The following CAMK1 variants were observed in gnomAD, a reference collection of about 807,000 sequenced individuals.
CAMK1 encodes the protein calcium/calmodulin dependent protein kinase I, also known as calcium/calmodulin-dependent protein kinase type 1.
In CAMK1, 39 loss-of-function variants were observed where a neutral mutation model predicts 49.1. The ratio of observed to expected loss-of-function variants is 0.79; its 90% CI spans 0.62 to 1.04. The LOEUF is 1.04. CAMK1 is among the 50% of genes least tolerant of loss of function. CAMK1 has a pLI of 0.00. For synonymous variants in CAMK1, 192 were observed against 185.2 expected, an observed-to-expected ratio of 1.04 and a Z score of -0.30; for missense variants, 457 against 472.2, an observed-to-expected ratio of 0.97 and a Z score of 0.30.
intron 1 of CAMK1, 57 bp from the exon 2 acceptor site, chr3:9,767,838 T>A: frequency 6.4e-7 from 1 of 1,566,624 alleles, no homozygotes; most frequent in Non-Finnish European, 8.7e-7. Flanking sequence ...GTCTGGGAAT[T>A]TACTGCAGGC....
intron 1 of CAMK1, among the ~76,000 whole-genome samples, chr3:9,768,757 TTC>T (rs1226218634): frequency 6.6e-6 from 1 of 152,200 alleles, no homozygotes; most frequent in Admixed American, 6.5e-5. Flanking sequence ...AGCACTTTCC[TTC>T]TCTCTTTTTC....
rs1257917384 is a variant in CAMK1 at position 9,757,854 on chromosome 3, T to C, written c.913-8A>G. On this transcript the variant is annotated splice_region_variant and splice_polypyrimidine_tract_variant and intron_variant, in intron 10 of 11. Coordinates refer to ENST00000256460, the MANE Select transcript of CAMK1 (RefSeq NM_003656.5). This position sits in a 1 kb window ranked among gnomAD's most constrained non-coding sequence, Gnocchi z 4.5. ...CGTGGCATTGAAGGCTTGCTGGCAT[T>C]GAAGGCATTGAAGGGAGAGGGGAGA... 7 of 1,597,126 alleles carry C rather than the reference T, an allele frequency of 4.4e-6. No homozygotes were observed. Among genetic ancestry groups the C allele is most frequent in the Non-Finnish European group, 6.0e-6 (7 of 1,166,982 alleles).
chr3:9,766,480 C>CAAAAAAAAGAA, intron 2 of CAMK1: 1 of 349,598 alleles, frequency 2.9e-6, no homozygotes, highest in Non-Finnish European at 5.2e-6. Context: ...GATCCTGGGT[C>CAAAAAAAAGAA]AAAAAAAAGA....
At chr3:9,758,887 C>A (rs944884348) in intron 10 of CAMK1, 5 of 370,934 alleles carry the variant, frequency 1.3e-5, no homozygotes, top group Non-Finnish European at 2.1e-5. Flanking sequence ...ACCTCGGCCT[C>A]CCAAAGTGCT....
At chr3:9,759,113 T>A in intron 10 of CAMK1, 1 of 1,248,232 alleles carries the variant, frequency 8.0e-7, no homozygotes, top group Non-Finnish European at 1.2e-6. Flanking sequence ...CTGGCCAGGC[T>A]TAGCACTTGC....
chr3:9,760,825 T>C (rs370154285), intron 7 of CAMK1, 57 bp from the exon 8 acceptor site: 22 of 1,607,908 alleles, frequency 1.4e-5, no homozygotes, highest in Admixed American at 1.0e-4. Context: ...GGCTCCGGGG[T>C]GGAGCACTGG....
Position 9,757,646 on chromosome 3 carries a change from T to C in CAMK1, c.1031-25A>G. 1.2e-6 allele frequency: 2 copies of C among 1,613,940 alleles called. No individual in the cohort carries two copies. Among genetic ancestry groups the C allele is most frequent in the Non-Finnish European group, 1.7e-6 (2 of 1,179,960 alleles). ...CCTGCATGGGAAGACAGAACAGAGG[T>C]GGCCGCAGGGGCAGGCCCTCCACTC... is the stretch of plus-strand genomic sequence containing the variant. On this transcript the variant is annotated intron_variant, in intron 11 of 11. Transcript: ENST00000256460. This position sits in a 1 kb window ranked among gnomAD's most constrained non-coding sequence, Gnocchi z 4.5.
Position 9,767,674 on chromosome 3 carries a change from G to C in CAMK1, c.76C>G (p.Leu26Val). ...ATCCTGCCCTGGACTCACGTGCCCA[G>C]AACATCTCGGAAGTCGTAGATGTCT... The part of the protein sequence containing the change: ...IRDIYDFRDV[L>V]GTGAFSEVIL... The change falls in exon 2 of 12, where the codon CTG becomes GTG. Residue 26 changes from leucine to valine, a missense_variant. By Grantham distance (32) the Leu-to-Val change is conservative. Coordinates refer to ENST00000256460, the MANE Select transcript of CAMK1 (RefSeq NM_003656.5). 1 of 1,614,140 alleles carries C rather than the reference G, an allele frequency of 6.2e-7. No homozygotes were observed. Among genetic ancestry groups the C allele is most frequent in the Non-Finnish European group, 8.5e-7 (1 of 1,180,024 alleles).
intron 10 of CAMK1, 195 bp downstream of exon 10, chr3:9,759,293 G>A: frequency 6.2e-7 from 1 of 1,605,786 alleles, no homozygotes; most frequent in Non-Finnish European, 8.5e-7. Flanking sequence ...GGAGGTGAGG[G>A]ACCCTCTCTG....
At chr3:9,769,682 T>G (rs936869503) in intron 1 of CAMK1, 150 bp downstream of exon 1, 2 of 152,010 alleles carry the variant, frequency 1.3e-5, no homozygotes, top group African/African-American at 2.4e-5. Context: ...GGGACAGAGG[T>G]GGAGAAAGGC....
intron 3 of CAMK1, among the ~76,000 whole-genome samples, chr3:9,765,434 G>A (rs1040464111): frequency 6.6e-6 from 1 of 152,132 alleles, no homozygotes; most frequent in African/African-American, 2.4e-5. Flanking sequence ...AGGGGAACTT[G>A]AGGTAGGTCC....
intron 10 of CAMK1, chr3:9,758,804 A>AT (rs1288960346): frequency 7.7e-6 from 2 of 258,924 alleles, no homozygotes; most frequent in Non-Finnish European, 1.5e-5. Flanking sequence ...TAATTCTTTT[A>AT]TTTTTAGTAG....
chr3:9,764,500 C>T (rs188319344), intron 3 of CAMK1, among the ~76,000 whole-genome samples: 10 of 151,752 alleles, frequency 6.6e-5, no homozygotes, highest in African/African-American at 1.2e-4. Flanking sequence ...TTAGTAGAGA[C>T]GGAGTTTCTC....
rs961167223 is a variant in CAMK1 at position 9,759,070 on chromosome 3, C to T, written c.912+418G>A. On this transcript the variant is annotated intron_variant, in intron 10 of 11. Coordinates refer to ENST00000256460, the MANE Select transcript of CAMK1 (RefSeq NM_003656.5). ...CCCTTACCTGCTTCTCTAAATTGGG[C>T]TCCTGCCTCTCAGTCCCCTCAGCCC... The T allele has an allele frequency of 1.2e-5, 10 of 849,834 alleles. No individual in the cohort carries two copies. The African/African-American group carries it at 1.5e-4, about 13-fold the overall frequency. The allele number at this position is 849,834 out of a possible 1,614,324, so 52.6% of individuals were successfully genotyped here.
intron 3 of CAMK1, among the ~76,000 whole-genome samples, chr3:9,764,535 C>T (rs542960513): frequency 3.6e-4 from 54 of 151,290 alleles, no homozygotes; most frequent in Non-Finnish European, 3.7e-4. Flanking sequence ...TGGTTTGGAA[C>T]TCCCCACCTC....
chr3:9,757,818 C>G lies in CAMK1; in HGVS notation c.941G>C (p.Arg314Pro). Residue 314 changes from arginine (R) to proline (P), a missense_variant, in exon 11 of 12, where the codon CGG becomes CCG. Physicochemically the swap from Arg to Pro is moderately radical, Grantham distance 103. Coordinates refer to ENST00000256460, the MANE Select transcript of CAMK1 (RefSeq NM_003656.5). This position sits in a 1 kb window ranked among gnomAD's most constrained non-coding sequence, Gnocchi z 4.5. ...GCCCAGCTGCAGTTTCCTCATGTGC[C>G]GCACCACAGCCGTGGCATTGAAGGC... Reference protein sequence around the residue: ...KQAFNATAVVRHMRKLQLGTS... With the variant: ...KQAFNATAVVPHMRKLQLGTS... The G allele has an allele frequency of 6.2e-7, 1 of 1,611,184 alleles. No individual in the cohort carries two copies. Among genetic ancestry groups the G allele is most frequent in the Non-Finnish European group, 8.5e-7 (1 of 1,177,622 alleles).
chr3:9,768,315 C>T (rs912939816), intron 1 of CAMK1, among the ~76,000 whole-genome samples: 1 of 152,234 alleles, frequency 6.6e-6, no homozygotes, highest in African/African-American at 2.4e-5. Context: ...TGCACTGTTA[C>T]CACAGCAACA....
chr3:9,758,720 C>G (rs970590113), intron 10 of CAMK1: 2 of 197,318 alleles, frequency 1.0e-5, no homozygotes, highest in African/African-American at 4.7e-5. Flanking sequence ...ACCCCCATCT[C>G]CGAGGTTCAA....
At chr3:9,760,548 G>T (rs2077806911) in intron 8 of CAMK1, 108 bp downstream of exon 8, 2 of 1,096,336 alleles carry the variant, frequency 1.8e-6, no homozygotes, top group Admixed American at 1.8e-5. Flanking sequence ...CTCTTTGTGT[G>T]GTGCTGGAAA....
Sources: gnomAD v4.1 joint callset for allele counts (sites outside exome capture counted in the v4.1 genomes callset) on GRCh38, gnomAD v4.1.1 for gene constraint, Gnocchi (gnomAD v3.1) non-coding constraint, MANE v1.5 for transcripts, NCBI Gene and HGNC (gene_info 2026-07-23, HGNC 2026-07-21) for gene names.